CDK12: variants seen among roughly 807,000 people sequenced by gnomAD.
CDK12 encodes the protein cyclin-dependent kinase 12.
Under a neutral mutation model 133.8 loss-of-function variants are expected in CDK12, and 17 were observed. That is an observed-to-expected ratio of 0.13 (90% CI 0.09 to 0.19). The LOEUF (loss-of-function observed/expected upper bound fraction) is 0.19, where lower values mean the gene tolerates loss of function less well. Ranked by LOEUF, CDK12 falls within the 10% of genes least tolerant of loss-of-function variation. CDK12 has a pLI of 1.00. For missense variants in CDK12, 1,508 were observed against 1,818.7 expected, an observed-to-expected ratio of 0.83 and a Z score of 3.11; for synonymous variants, 694 against 683.6, an observed-to-expected ratio of 1.02 and a Z score of -0.24.
chr17:39,502,947 C>G (rs994132066), intron 6 of CDK12, among the ~76,000 whole-genome samples: 2 of 152,014 alleles, frequency 1.3e-5, no homozygotes, highest in Non-Finnish European at 2.9e-5. Context: ...CTTGCATGCC[C>G]CACTGAGGAA....
chr17:39,490,472 C>T (rs1045309564), intron 2 of CDK12, 85 bp from the exon 3 acceptor site: 16 of 865,482 alleles, frequency 1.8e-5, no homozygotes, highest in East Asian at 1.6e-4. Context: ...CTAACCTTTT[C>T]GTAACCAGGC....
chr17:39,489,897 C>A (rs933883374), intron 2 of CDK12, among the ~76,000 whole-genome samples: 12 of 150,544 alleles, frequency 8.0e-5, no homozygotes, highest in Non-Finnish European at 1.6e-4. Flanking sequence ...GCCTCAGCCT[C>A]CCAAAGTGCT....
upstream of CDK12, chr17:39,544,002 T>C (rs1385904934): frequency 4.4e-6 from 1 of 228,160 alleles, no homozygotes; most frequent in Non-Finnish European, 9.3e-6. Context: ...ATGTTTTTGC[T>C]TTTATCAGCC....
Position 39,462,925 on chromosome 17 carries a change from A to G in CDK12, c.854A>G (p.Tyr285Cys), listed in dbSNP as rs2049052004. ...VSPPYKEPSAYQSSTRSPSPY... is the reference protein window; with the variant it reads ...VSPPYKEPSACQSSTRSPSPY... ...CCCCCTTACAAGGAGCCTTCGGCCTACCAGTCCAGCACCCGGTCACCGAGC... is the reference window on the plus strand; with the variant it reads ...CCCCCTTACAAGGAGCCTTCGGCCTGCCAGTCCAGCACCCGGTCACCGAGC... The change falls in exon 1 of 14, where the codon TAC becomes TGC. Residue 285 changes from tyrosine to cysteine, a missense_variant. By Grantham distance (194) the Tyr-to-Cys change is radical. Transcript: ENST00000447079. The G allele has an allele frequency of 6.2e-7, 1 of 1,614,198 alleles. No homozygotes were observed. Among genetic ancestry groups the G allele is most frequent in the African/African-American group, 1.3e-5 (1 of 75,066 alleles).
chr17:39,506,007 G>T, intron 6 of CDK12, among the ~76,000 whole-genome samples: 1 of 152,050 alleles, frequency 6.6e-6, no homozygotes, highest in East Asian at 1.9e-4. Flanking sequence ...TTTTTTCACT[G>T]AAAAAGGTCA....
At chr17:39,522,227 A>G (rs1017192094) in intron 11 of CDK12, among the ~76,000 whole-genome samples, 7 of 151,522 alleles carry the variant, frequency 4.6e-5, no homozygotes, top group African/African-American at 1.7e-4. Context: ...AGCTGGGATT[A>G]CAGGTATGCG....
upstream of CDK12, among the ~76,000 whole-genome samples, chr17:39,543,728 C>T (rs931662556): frequency 6.6e-6 from 1 of 152,178 alleles, no homozygotes. Context: ...GATAGACCTA[C>T]TTGTCCAGAT....
chr17:39,477,181 T>TA, intron 2 of CDK12, among the ~76,000 whole-genome samples: 1 of 142,418 alleles, frequency 7.0e-6, no homozygotes. Context: ...CCACCATGTC[T>TA]GGCTAATTTT....
At chr17:39,476,154 A>G (rs1170886324) in intron 2 of CDK12, among the ~76,000 whole-genome samples, 1 of 151,478 alleles carries the variant, frequency 6.6e-6, no homozygotes, top group East Asian at 1.9e-4. Context: ...CTCTCTCCAT[A>G]GCCAGGCTGG....
At chr17:39,549,991 TC>T (rs2055885009), upstream of CDK12, 57 of 147,678 alleles carry the variant, frequency 3.9e-4, no homozygotes, top group Non-Finnish European at 5.2e-4. Flanking sequence ...TCATGCTTTC[TC>T]TCTCTCTCTC....
At chr17:39,559,206 A>G (rs1446493722) in intron 3 of CDK12, among the ~76,000 whole-genome samples, 1 of 152,226 alleles carries the variant, frequency 6.6e-6, no homozygotes, top group Non-Finnish European at 1.5e-5. Flanking sequence ...GAAATAATAC[A>G]GAGAGGTCTC....
chr17:39,544,993 T>C (rs1431130994), upstream of CDK12, among the ~76,000 whole-genome samples: 1 of 152,180 alleles, frequency 6.6e-6, no homozygotes, highest in Non-Finnish European at 1.5e-5. Flanking sequence ...CTTAGCTTTT[T>C]ATTTGACCCT....
At chr17:39,479,838 GTTGGTCT>G (rs2050495253) in intron 2 of CDK12, among the ~76,000 whole-genome samples, 2 of 151,714 alleles carry the variant, frequency 1.3e-5, no homozygotes, top group Non-Finnish European at 2.9e-5. Context: ...TGTTGGCCAG[GTTGGTCT>G]GAAATTCCTG....
rs2049057813 is a variant in CDK12, at chr17:39,463,021, G to T, written c.950G>T (p.Gly317Val). The change falls in exon 1 of 14, where the codon GGC becomes GTC. Residue 317 changes from glycine to valine, a missense_variant. Coordinates refer to ENST00000447079, the MANE Select transcript of CDK12 (RefSeq NM_016507.4). ...RRRSSSYERS[G>V]SYSGRSPSPY... is the part of the protein sequence containing the mutation. ...CGGTCGTCCAGCTACGAAAGAAGTG[G>T]CTCTTACAGCGGGCGATCGCCCAGT... 6.2e-7 allele frequency: 1 copy of T among 1,614,062 alleles called. No homozygotes were observed. Among genetic ancestry groups the T allele is most frequent in the South Asian group, 1.1e-5 (1 of 91,088 alleles).
chr17:39,499,363 C>A (rs999422812), intron 5 of CDK12, among the ~76,000 whole-genome samples: 1 of 150,346 alleles, frequency 6.7e-6, no homozygotes, highest in Non-Finnish European at 1.5e-5. Flanking sequence ...TGCACGCCAC[C>A]ACGTCCAGGT....
upstream of CDK12, among the ~76,000 whole-genome samples, chr17:39,548,461 G>A (rs1261728068): frequency 6.6e-6 from 1 of 152,210 alleles, no homozygotes; most frequent in African/African-American, 2.4e-5. Context: ...GACCCAGATG[G>A]TGGAGGTGCC....
chr17:39,529,466 C>T (rs1353280279), intron 13 of CDK12, among the ~76,000 whole-genome samples: 1 of 152,122 alleles, frequency 6.6e-6, no homozygotes, highest in African/African-American at 2.4e-5. Flanking sequence ...TTAAAATATG[C>T]TTCCATAGGG....
In CDK12 at chr17:39,501,336, A is replaced by G. The variant is rs1214870582; in HGVS notation, c.2506A>G (p.Ile836Val). 2 of 1,613,670 alleles carry G rather than the reference A, an allele frequency of 1.2e-6. No homozygotes were observed. The highest frequency in any genetic ancestry group is 1.7e-6 in the Non-Finnish European group (2 of 1,179,736). Residue 836 changes from isoleucine to valine, a missense_variant, in exon 6 of 14, where the codon ATC (isoleucine) becomes GTC (valine). Ile to Val is a conservative substitution (Grantham distance 29, BLOSUM62 3). This residue lies in a region of CDK12 where 21 missense variants were observed against 17.6 expected (regional missense o/e 1.19). Transcript: ENST00000447079. Reference sequence around the variant, plus strand: ...TTTGGTGCACTTTTCTGAGGACCATATCAAGTCGTTCATGAAACAGCTAAT... The same window carrying G: ...TTTGGTGCACTTTTCTGAGGACCATGTCAAGTCGTTCATGAAACAGCTAAT... ...SGLVHFSEDHIKSFMKQLMEG... is the reference protein window; with the variant it reads ...SGLVHFSEDHVKSFMKQLMEG...
intron 11 of CDK12, among the ~76,000 whole-genome samples, chr17:39,521,173 G>T (rs1365395023): frequency 6.6e-6 from 1 of 151,984 alleles, no homozygotes; most frequent in Non-Finnish European, 1.5e-5. Flanking sequence ...TAGAGATGGG[G>T]TTTCACCATG....
Sources: gnomAD v4.1 joint callset for allele counts (sites outside exome capture counted in the v4.1 genomes callset) on GRCh38, gnomAD v4.1.1 for gene constraint, gnomAD v4.1.1 regional missense constraint, MANE v1.5 for transcripts, NCBI Gene and HGNC (gene_info 2026-07-23, HGNC 2026-07-21) for gene names.